The following LRRC41 variants were observed in gnomAD, a reference collection of about 807,000 sequenced individuals.
LRRC41 encodes leucine-rich repeat-containing protein 41.
LRRC41 carries 17 observed loss-of-function variants against 72.1 expected under a neutral mutation model. The observed-to-expected ratio is 0.24, with a 90% confidence interval of 0.16 to 0.35. The LOEUF is 0.35. Among genes scored for constraint, LRRC41 ranks in the 10% least tolerant of loss-of-function variants. LRRC41 has a pLI of 1.00. For missense variants in LRRC41, 759 were observed against 1,065.0 expected, an observed-to-expected ratio of 0.71 and a Z score of 4.00; for synonymous variants, 427 against 431.0, an observed-to-expected ratio of 0.99 and a Z score of 0.11.
chr1:46,291,893 C>T (rs1661026719), intron 3 of LRRC41, among the ~76,000 whole-genome samples: 1 of 152,002 alleles, frequency 6.6e-6, no homozygotes, highest in Admixed American at 6.6e-5. Flanking sequence ...TCTCTGTCAG[C>T]CAGGCTGGAG....
chr1:46,299,794 T>C, intron 1 of LRRC41: 1 of 151,762 alleles, frequency 6.6e-6, no homozygotes, highest in East Asian at 1.9e-4. Context: ...CAAGAATCAC[T>C]TGAACTCAGG....
intron 1 of LRRC41, 149 bp from the exon 2 acceptor site, chr1:46,298,519 G>A (rs1222780698): frequency 1.9e-6 from 1 of 536,984 alleles, no homozygotes; most frequent in Non-Finnish European, 3.3e-6. Context: ...ATCTAGATCT[G>A]TTCCAAACTC....
At chr1:46,293,552 C>T (rs1192903203) in intron 3 of LRRC41, among the ~76,000 whole-genome samples, 1 of 151,888 alleles carries the variant, frequency 6.6e-6, no homozygotes, top group Non-Finnish European at 1.5e-5. Context: ...CTGATTTGTG[C>T]TTTTACTTTT....
intron 2 of LRRC41, 78 bp downstream of exon 2, chr1:46,298,206 G>T: frequency 9.8e-7 from 1 of 1,016,496 alleles, no homozygotes; most frequent in Non-Finnish European, 1.5e-6. Context: ...GCAGGTATCA[G>T]GGGTAATATT....
intron 3 of LRRC41, among the ~76,000 whole-genome samples, chr1:46,291,171 G>A (rs575477854): frequency 7.9e-5 from 12 of 151,506 alleles, no homozygotes; most frequent in African/African-American, 1.7e-4. Flanking sequence ...GTGATCCGCC[G>A]CCTTGGCCTC....
intron 4 of LRRC41, among the ~76,000 whole-genome samples, chr1:46,282,780 C>T (rs1372745141): frequency 2.0e-5 from 3 of 152,034 alleles, no homozygotes; most frequent in Admixed American, 2.0e-4. Flanking sequence ...CCTATATAAT[C>T]CCAGCACTTT....
At chr1:46,289,026 T>C (rs1457062158) in intron 3 of LRRC41, among the ~76,000 whole-genome samples, 1 of 152,238 alleles carries the variant, frequency 6.6e-6, no homozygotes, top group African/African-American at 2.4e-5. Flanking sequence ...GCCTAAAATA[T>C]GGACAAAGAT....
chr1:46,303,073 T>C, intron 1 of LRRC41, 51 bp downstream of exon 1: 1 of 1,328,450 alleles, frequency 7.5e-7, no homozygotes, highest in South Asian at 2.0e-5. Context: ...CCCCGGCCGC[T>C]GGGCCGCCCC....
At position 46,302,856 on chromosome 1, in the gene LRRC41, C is replaced by T. The variant is rs940292345; in HGVS notation, c.199+268G>A. On this transcript the variant is annotated intron_variant, in intron 1 of 9. Coordinates refer to ENST00000617190, the MANE Select transcript of LRRC41 (RefSeq NM_006369.5). This position sits in a 1 kb window ranked among gnomAD's most constrained non-coding sequence, Gnocchi z 4.7. ...TCCAGCCTCAGTCGCCCGGGCCCAG[C>T]CTGCTTCGCTCCAGACCGGGCCTCC... The T allele has an allele frequency of 8.1e-6, 8 of 985,252 alleles. 1 individual carries two copies. In the African/African-American group the frequency reaches 1.2e-4, roughly 15 times the overall value. 61.0% of individuals were successfully genotyped at this position (985,252 alleles called of 1,614,324 possible).
intron 4 of LRRC41, among the ~76,000 whole-genome samples, chr1:46,283,008 C>T (rs1312106848): frequency 3.7e-5 from 5 of 136,176 alleles, no homozygotes; most frequent in Non-Finnish European, 6.2e-5. Flanking sequence ...TGGGTGACAA[C>T]AGAGACTCCC....
chr1:46,279,929 A>C lies in LRRC41; in HGVS notation c.2020+263T>G, dbSNP rs1196673411. Among the ~76,000 whole-genome samples the C allele has an allele frequency of 2.6e-5, 4 of 152,152 alleles. No homozygotes were observed. The highest frequency in any genetic ancestry group is 5.9e-5 in the Non-Finnish European group (4 of 68,008). On this transcript the variant is annotated intron_variant, in intron 7 of 9. Coordinates refer to ENST00000617190, the MANE Select transcript of LRRC41 (RefSeq NM_006369.5). This position sits in a 1 kb window ranked among gnomAD's most constrained non-coding sequence, Gnocchi z 4.5. ...GAGGGGAGCCTGGCACAGTACATTT[A>C]TTTTGCCCCACCACCACCATTTTGT...
At chr1:46,300,515 A>C (rs1019525798) in intron 1 of LRRC41, 1 of 152,174 alleles carries the variant, frequency 6.6e-6, no homozygotes, top group Non-Finnish European at 1.5e-5. Flanking sequence ...CTTTTACACG[A>C]ATGTAGTCCA....
Position 46,302,462 on chromosome 1 carries a change from C to T in LRRC41, c.199+662G>A, listed in dbSNP as rs1032658571. On this transcript the variant is annotated intron_variant, in intron 1 of 9. Coordinates refer to ENST00000617190, the MANE Select transcript of LRRC41 (RefSeq NM_006369.5). This position sits in a 1 kb window ranked among gnomAD's most constrained non-coding sequence, Gnocchi z 4.7. Reference sequence around the variant, plus strand: ...CTCGGTCGCTTAGTCAGTTTGGCACCCGAGACCCCGGTTGTCGGTTCGCTC... The same window carrying T: ...CTCGGTCGCTTAGTCAGTTTGGCACTCGAGACCCCGGTTGTCGGTTCGCTC... 2.0e-6 allele frequency: 2 copies of T among 985,288 alleles called. No individual in the cohort carries two copies. Among genetic ancestry groups the T allele is most frequent in the African/African-American group, 3.5e-5 (2 of 57,232 alleles). 61.0% of individuals were successfully genotyped at this position (985,288 alleles called of 1,614,324 possible).
chr1:46,282,203 C>T (rs1660792261), intron 4 of LRRC41, among the ~76,000 whole-genome samples: 1 of 152,048 alleles, frequency 6.6e-6, no homozygotes, highest in Admixed American at 6.5e-5. Context: ...TATGGAAAGG[C>T]AAAGGGATGG....
chr1:46,278,622 C>A lies in LRRC41; in HGVS notation c.*243G>T. 1 of 608,060 alleles carries A rather than the reference C, an allele frequency of 1.6e-6. No individual in the cohort carries two copies. Among genetic ancestry groups the A allele is most frequent in the South Asian group, 2.0e-5 (1 of 48,896 alleles). 37.7% of individuals were successfully genotyped at this position (608,060 alleles called of 1,614,324 possible). ...CAATTATGATGACCACTGTAACCTCCTGGCCCAGGGTTCCCAGGATACTGA... is the reference window on the plus strand; with the variant it reads ...CAATTATGATGACCACTGTAACCTCATGGCCCAGGGTTCCCAGGATACTGA... On this transcript the variant is annotated 3_prime_UTR_variant, in exon 10 of 10. Coordinates refer to ENST00000617190, the MANE Select transcript of LRRC41 (RefSeq NM_006369.5).
intron 1 of LRRC41, chr1:46,299,114 T>C (rs962727870): frequency 3.9e-5 from 6 of 152,262 alleles, no homozygotes; most frequent in South Asian, 4.1e-4. Context: ...TGCCAACTTC[T>C]CTAGTTCTAA....
rs1416406466 is a variant in LRRC41 at position 46,302,150 on chromosome 1, C to G, written c.199+974G>C. The stretch of plus-strand genomic sequence containing the variant: ...GGCCGCCCTCCATCCAGGCCCGGCC[C>G]TTTGGTCCCGGCCGCCTTCAGGCCT... On this transcript the variant is annotated intron_variant, in intron 1 of 9. Coordinates refer to ENST00000617190, the MANE Select transcript of LRRC41 (RefSeq NM_006369.5). This position sits in a 1 kb window ranked among gnomAD's most constrained non-coding sequence, Gnocchi z 4.7. The G allele has an allele frequency of 2.0e-6, 2 of 985,198 alleles. No homozygotes were observed. The highest frequency in any genetic ancestry group is 2.4e-6 in the Non-Finnish European group (2 of 829,866). 61.0% of individuals were successfully genotyped at this position (985,198 alleles called of 1,614,324 possible).
Position 46,280,277 on chromosome 1 carries a change from G to A in LRRC41, c.1935C>T (p.Ala645=). 6.2e-7 allele frequency: 1 copy of A among 1,614,022 alleles called. No homozygotes were observed. The highest frequency in any genetic ancestry group is 2.2e-5 in the East Asian group (1 of 44,882). ...VLQTLKEYNL[A]LKRLSFHDMN... is the part of the protein sequence containing the mutation. ...TGTCATGGAAGCTCAGTCTTTTCAGGGCTAGGTTGTACTCTGGATAGGAGG... is the reference window on the plus strand; with the variant it reads ...TGTCATGGAAGCTCAGTCTTTTCAGAGCTAGGTTGTACTCTGGATAGGAGG... Residue 645 remains alanine, a synonymous_variant, in exon 7 of 10, where the codon GCC becomes GCT. Transcript: ENST00000617190.
At chr1:46,280,321 G>A in intron 6 of LRRC41, 31 bp from the exon 7 acceptor site, 1 of 1,612,654 alleles carries the variant, frequency 6.2e-7, no homozygotes, top group Non-Finnish European at 8.5e-7. Flanking sequence ...ATGGACCATG[G>A]ACCTTAGCTT....
Sources: allele counts gnomAD v4.1 joint callset (sites outside exome capture counted in the v4.1 genomes callset), GRCh38; gene constraint gnomAD v4.1.1; non-coding constraint Gnocchi (gnomAD v3.1); transcripts MANE v1.5; gene names NCBI Gene and HGNC (gene_info 2026-07-23, HGNC 2026-07-21).